The following TMCC1 variants were observed in gnomAD, a reference collection of about 807,000 sequenced individuals.
TMCC1 encodes transmembrane and coiled-coil domains protein 1.
TMCC1 carries 15 observed loss-of-function variants against 52.4 expected under a neutral mutation model. The ratio of observed to expected loss-of-function variants is 0.29; its 90% confidence interval spans 0.19 to 0.44. TMCC1 has a LOEUF of 0.44. TMCC1 is among the 20% of genes least tolerant of loss of function. The pLI, the probability that TMCC1 is intolerant of heterozygous loss-of-function variation, is 1.00. For synonymous variants in TMCC1, 279 were observed against 301.9 expected (o/e 0.92, Z 0.79); for missense variants, 503 against 806.0 (o/e 0.62, Z 4.55).
chr3:129,788,363 A>G (rs1159405104), intron 4 of TMCC1, among the ~76,000 whole-genome samples: 1 of 152,170 alleles, frequency 6.6e-6, no homozygotes, highest in Non-Finnish European at 1.5e-5. Flanking sequence ...TAGTTTCTCT[A>G]TTTTTAGCCT....
chr3:129,696,878 C>G (rs545254659), intron 4 of TMCC1, among the ~76,000 whole-genome samples: 1 of 152,354 alleles, frequency 6.6e-6, no homozygotes, highest in East Asian at 1.9e-4. Flanking sequence ...CCAGGTCACA[C>G]TGATGCAAAA....
intron 4 of TMCC1, among the ~76,000 whole-genome samples, chr3:129,810,690 A>G (rs1292259157): frequency 1.3e-5 from 2 of 152,240 alleles, no homozygotes; most frequent in African/African-American, 4.8e-5. Flanking sequence ...TATAAAGACA[A>G]TGTATGACAT....
At chr3:129,691,245 T>C (rs1285626770) in intron 4 of TMCC1, among the ~76,000 whole-genome samples, 1 of 152,206 alleles carries the variant, frequency 6.6e-6, no homozygotes. Flanking sequence ...CTATGTCGAG[T>C]GTAATTCAAT....
rs770361805 is a variant in TMCC1 at position 129,670,560 on chromosome 3, A to G, written c.1281T>C (p.Thr427=). The G allele has an allele frequency of 6.2e-7, 1 of 1,614,194 alleles. No individual in the cohort carries two copies. Among genetic ancestry groups the G allele is most frequent in the Non-Finnish European group, 8.5e-7 (1 of 1,180,030 alleles). The change falls in exon 5 of 7, where the codon ACT becomes ACC. Residue 427 remains threonine (T), a synonymous_variant. Coordinates refer to ENST00000393238, the MANE Select transcript of TMCC1 (RefSeq NM_001017395.5). ...YGSEEDCSSA[T]SGSVGANSTT... ...TGCTGTTGGCTCCCACTGAGCCTGA[A>G]GTGGCACTAGAACAATCTTCTTCAC...
At chr3:129,871,365 C>CAAAAAAAAAAAAAAAAAAAAAAAAAAA (rs908333351) in intron 2 of TMCC1, among the ~76,000 whole-genome samples, 1 of 49,830 alleles carries the variant, frequency 2.0e-5, no homozygotes. Flanking sequence ...GACGCTGTCT[C>CAAAAAAAAAAAAAAAAAAAAAAAAAAA]AAAAAAAAAA....
At chr3:129,871,968 A>T (rs1047440433) in intron 2 of TMCC1, among the ~76,000 whole-genome samples, 1 of 152,244 alleles carries the variant, frequency 6.6e-6, no homozygotes, top group Non-Finnish European at 1.5e-5. Context: ...TCTAAGTTGT[A>T]AAGATAATGG....
chr3:129,661,626 C>T (rs2087033890), intron 5 of TMCC1, among the ~76,000 whole-genome samples: 1 of 151,904 alleles, frequency 6.6e-6, no homozygotes, highest in Admixed American at 6.6e-5. Context: ...ATGGTGAAAC[C>T]CTGTCTCTAC....
intron 4 of TMCC1, among the ~76,000 whole-genome samples, chr3:129,743,490 C>T (rs567110408): frequency 1.3e-5 from 2 of 152,138 alleles, no homozygotes; most frequent in African/African-American, 4.8e-5. Context: ...AGCTACCCCT[C>T]TATATGTTTA....
chr3:129,719,792 C>G (rs950864239), intron 4 of TMCC1, among the ~76,000 whole-genome samples: 1 of 152,066 alleles, frequency 6.6e-6, no homozygotes, highest in Non-Finnish European at 1.5e-5. Context: ...AAAGGCACAT[C>G]TGATTTGGCC....
intron 2 of TMCC1, chr3:129,868,879 C>T (rs189353550): frequency 1.3e-5 from 2 of 152,274 alleles, no homozygotes; most frequent in Admixed American, 1.3e-4. Context: ...TATTCTGAAA[C>T]CCAGCCCTCT....
intron 2 of TMCC1, among the ~76,000 whole-genome samples, chr3:129,851,097 G>T (rs2107901003): frequency 6.6e-6 from 1 of 152,302 alleles, no homozygotes; most frequent in Non-Finnish European, 1.5e-5. Context: ...GCCAGATTTT[G>T]GGGGGCCTAT....
At chr3:129,683,218 T>C (rs914165905) in intron 4 of TMCC1, among the ~76,000 whole-genome samples, 4 of 152,284 alleles carry the variant, frequency 2.6e-5, no homozygotes, top group South Asian at 4.1e-4. Flanking sequence ...ATGCCAACCA[T>C]AGGTGATCAG....
intron 4 of TMCC1, among the ~76,000 whole-genome samples, chr3:129,786,045 G>A (rs991485153): frequency 8.1e-5 from 12 of 148,748 alleles, no homozygotes; most frequent in African/African-American, 2.7e-4. Context: ...AGTGATTCTC[G>A]TGCCACAACC....
chr3:129,875,881 C>A (rs2061180825), intron 2 of TMCC1, among the ~76,000 whole-genome samples: 1 of 152,200 alleles, frequency 6.6e-6, no homozygotes, highest in South Asian at 2.1e-4. Flanking sequence ...CGCCCGTAAT[C>A]CCAGCACTTT....
At chr3:129,702,940 C>T (rs927375364) in intron 4 of TMCC1, among the ~76,000 whole-genome samples, 4 of 152,158 alleles carry the variant, frequency 2.6e-5, no homozygotes, top group African/African-American at 9.6e-5. Context: ...CGCTTGAACC[C>T]GGGAGGTTGA....
At chr3:129,816,853 A>G (rs928996973) in intron 4 of TMCC1, among the ~76,000 whole-genome samples, 3 of 151,534 alleles carry the variant, frequency 2.0e-5, no homozygotes, top group Non-Finnish European at 4.4e-5. Context: ...TCAAGACCCC[A>G]TTTCTAGAAA....
In TMCC1 at chr3:129,771,797, A is replaced by AAAAAAG. The variant is rs60824072; in HGVS notation, c.576+56005_576+56006insCTTTTT. The stretch of plus-strand genomic sequence containing the variant: ...CTCAAAAAAAAAAAAAAAAAAAAAA[A>AAAAAAG]AAGAAGAAGAAGAAAAAACAATTGA... On this transcript the variant is annotated intron_variant, in intron 4 of 6. Coordinates refer to ENST00000393238, the MANE Select transcript of TMCC1 (RefSeq NM_001017395.5). 7.6e-3 allele frequency among the ~76,000 whole-genome samples: 657 copies of AAAAAAG among 86,632 alleles called. 17 individuals are homozygous for AAAAAAG. Among genetic ancestry groups the AAAAAAG allele is most frequent in the East Asian group, 0.042 (83 of 1,980 alleles). The allele number at this position is 86,632 out of a possible 152,430, so 56.8% of individuals were successfully genotyped here.
chr3:129,867,119 A>C (rs2060688222), intron 2 of TMCC1: 1 of 152,116 alleles, frequency 6.6e-6, no homozygotes, highest in Admixed American at 6.6e-5. Context: ...AAAAAAAAAA[A>C]ACACTTCTTC....
intron 5 of TMCC1, among the ~76,000 whole-genome samples, chr3:129,660,557 G>T (rs750263208): frequency 6.6e-5 from 10 of 152,114 alleles, no homozygotes; most frequent in Non-Finnish European, 1.3e-4. Context: ...TCACAGAAAT[G>T]GGTTTACTGG....
Sources: gnomAD v4.1 joint callset for allele counts (sites outside exome capture counted in the v4.1 genomes callset) on GRCh38, gnomAD v4.1.1 for gene constraint, MANE v1.5 for transcripts, NCBI Gene and HGNC (gene_info 2026-07-23, HGNC 2026-07-21) for gene names.